The following NELL1 variants were observed in gnomAD, a reference collection of about 807,000 sequenced individuals.
NELL1 encodes protein kinase C-binding protein NELL1.
In NELL1, 76 loss-of-function variants were observed where a neutral mutation model predicts 107.4. The ratio of observed to expected loss-of-function variants is 0.71; its 90% CI spans 0.59 to 0.86. The LOEUF (loss-of-function observed/expected upper bound fraction) is 0.86, where lower values mean the gene tolerates loss of function less well. Ranked by LOEUF, NELL1 falls within the 40% of genes least tolerant of loss-of-function variation. The probability of loss-of-function intolerance (pLI) is 0.00; values close to 1 mark genes in which losing one functional copy is unlikely to be tolerated. For missense variants in NELL1, 1,024 were observed against 1,005.5 expected, an observed-to-expected ratio of 1.02 and a Z score of -0.25; for synonymous variants, 353 against 341.2, an observed-to-expected ratio of 1.03 and a Z score of -0.38.
intron 13 of NELL1, among the ~76,000 whole-genome samples, chr11:21,155,322 T>G (rs112432398): frequency 6.6e-6 from 1 of 152,044 alleles, no homozygotes; most frequent in Non-Finnish European, 1.5e-5. Flanking sequence ...ATTGGGTAAA[T>G]GGATGTGTCT....
chr11:21,237,083 C>G (rs1158050317), intron 14 of NELL1, among the ~76,000 whole-genome samples: 1 of 152,012 alleles, frequency 6.6e-6, no homozygotes, highest in African/African-American at 2.4e-5. Flanking sequence ...TATGATACAG[C>G]CTTCAGCTAT....
chr11:21,531,630 C>G (rs1422518790), intron 15 of NELL1, among the ~76,000 whole-genome samples: 2 of 152,130 alleles, frequency 1.3e-5, no homozygotes, highest in African/African-American at 4.8e-5. Flanking sequence ...GGAAAGGTGA[C>G]TTTTTGTTTG....
intron 17 of NELL1, among the ~76,000 whole-genome samples, chr11:21,570,303 C>G (rs79963908): frequency 0.067 from 10,137 of 151,738 alleles, 453 homozygotes; most frequent in Non-Finnish European, 0.094. Flanking sequence ...TCTGGGTCTA[C>G]GTTAATTTTC....
At chr11:20,713,662 C>T (rs546804915) in intron 2 of NELL1, among the ~76,000 whole-genome samples, 4 of 152,182 alleles carry the variant, frequency 2.6e-5, no homozygotes, top group Non-Finnish European at 5.9e-5. Flanking sequence ...GGCCACCCCC[C>T]AGATTTTACT....
chr11:20,872,421 T>C (rs570355109), intron 4 of NELL1, among the ~76,000 whole-genome samples: 103 of 152,242 alleles, frequency 6.8e-4, no homozygotes, highest in African/African-American at 2.2e-3. Context: ...GCTCAAGTGA[T>C]CTGCCCACCT....
At chr11:20,886,215 C>T (rs571839662) in intron 5 of NELL1, among the ~76,000 whole-genome samples, 9 of 152,142 alleles carry the variant, frequency 5.9e-5, no homozygotes, top group African/African-American at 2.2e-4. Context: ...GCAGTATACC[C>T]ATGTAACAAA....
intron 12 of NELL1, among the ~76,000 whole-genome samples, chr11:20,965,539 G>A (rs1210715861): frequency 1.3e-5 from 2 of 152,108 alleles, no homozygotes; most frequent in Non-Finnish European, 2.9e-5. Flanking sequence ...TTAGCAGTGG[G>A]GCACTAAGCC....
chr11:21,098,741 C>A (rs952133818), intron 12 of NELL1, among the ~76,000 whole-genome samples: 10 of 151,978 alleles, frequency 6.6e-5, no homozygotes, highest in African/African-American at 2.4e-4. Flanking sequence ...CAGGTTTTTC[C>A]CCCAGTAAAA....
At chr11:20,974,145 C>T (rs1050354897) in intron 12 of NELL1, among the ~76,000 whole-genome samples, 1 of 152,160 alleles carries the variant, frequency 6.6e-6, no homozygotes, top group African/African-American at 2.4e-5. Context: ...CCTAGCACCT[C>T]GGACAGTTCC....
At chr11:21,100,862 A>C (rs2133704633) in intron 12 of NELL1, among the ~76,000 whole-genome samples, 1 of 152,124 alleles carries the variant, frequency 6.6e-6, no homozygotes, top group South Asian at 2.1e-4. Context: ...ATTATACTTT[A>C]AGTTTTAGAG....
chr11:20,994,008 G>T (rs1399654147), intron 12 of NELL1, among the ~76,000 whole-genome samples: 1 of 152,016 alleles, frequency 6.6e-6, no homozygotes, highest in Non-Finnish European at 1.5e-5. Flanking sequence ...AGATAGAAAT[G>T]CAAAGATAAA....
intron 4 of NELL1, 59 bp from the exon 5 acceptor site, chr11:20,885,385 G>A: frequency 1.9e-6 from 2 of 1,055,388 alleles, no homozygotes; most frequent in East Asian, 2.4e-5. Context: ...AACAGCATAT[G>A]CACCTTTTGG....
At chr11:20,806,830 A>G (rs1327982843) in intron 3 of NELL1, among the ~76,000 whole-genome samples, 2 of 152,142 alleles carry the variant, frequency 1.3e-5, no homozygotes, top group Admixed American at 1.3e-4. Flanking sequence ...TCTGCTATTA[A>G]AATACTTTGA....
At chr11:21,442,009 G>A (rs1853298602) in intron 15 of NELL1, among the ~76,000 whole-genome samples, 1 of 152,180 alleles carries the variant, frequency 6.6e-6, no homozygotes. Flanking sequence ...AATACTTATA[G>A]GTTCCTATGA....
intron 12 of NELL1, among the ~76,000 whole-genome samples, chr11:21,041,814 T>A (rs1339129105): frequency 6.6e-6 from 1 of 152,244 alleles, no homozygotes; most frequent in Admixed American, 6.5e-5. Flanking sequence ...TAGGTAACTG[T>A]AAACAAAACT....
At chr11:20,792,732 A>T (rs915214992) in intron 3 of NELL1, among the ~76,000 whole-genome samples, 3 of 151,998 alleles carry the variant, frequency 2.0e-5, no homozygotes, top group African/African-American at 7.2e-5. Context: ...TGCTTTAGTT[A>T]GGATCTTTGT....
intron 14 of NELL1, among the ~76,000 whole-genome samples, chr11:21,330,082 C>A (rs1850237021): frequency 6.6e-6 from 1 of 151,890 alleles, no homozygotes; most frequent in African/African-American, 2.4e-5. Context: ...TCTCGGTAAC[C>A]AATTAATATA....
At chr11:21,181,802 A>G (rs1856832380) in intron 13 of NELL1, among the ~76,000 whole-genome samples, 2 of 151,890 alleles carry the variant, frequency 1.3e-5, no homozygotes, top group African/African-American at 4.9e-5. Context: ...TAGAAAATAC[A>G]ACACCTTAAT....
At chr11:20,994,744 G>C (rs559427872) in intron 12 of NELL1, among the ~76,000 whole-genome samples, 1 of 152,278 alleles carries the variant, frequency 6.6e-6, no homozygotes, top group South Asian at 2.1e-4. Flanking sequence ...AGCTAAACTA[G>C]AATTATTTGT....
Sources: allele counts gnomAD v4.1 joint callset (sites outside exome capture counted in the v4.1 genomes callset), GRCh38; gene constraint gnomAD v4.1.1; transcripts MANE v1.5; gene names NCBI Gene and HGNC (gene_info 2026-07-23, HGNC 2026-07-21).